SUN2: variants seen among roughly 807,000 people sequenced by gnomAD.
SUN2 encodes the protein Sad1 and UNC84 domain containing 2.
A neutral mutation model predicts 100.0 loss-of-function variants in SUN2; 60 were observed. The ratio of observed to expected loss-of-function variants is 0.60; its 90% confidence interval spans 0.49 to 0.74. The LOEUF is 0.74. Ranked by LOEUF, SUN2 falls within the 30% of genes least tolerant of loss-of-function variation. The probability of loss-of-function intolerance (pLI) is 0.00; values close to 1 mark genes in which losing one functional copy is unlikely to be tolerated. For synonymous variants in SUN2, 367 were observed against 403.3 expected, an observed-to-expected ratio of 0.91 and a Z score of 1.08; for missense variants, 834 against 954.6, an observed-to-expected ratio of 0.87 and a Z score of 1.66.
chr22:38,754,816 G>C, intron 1 of SUN2: 1 of 1,284,648 alleles, frequency 7.8e-7, no homozygotes, highest in Non-Finnish European at 1.0e-6. Context: ...AAAACTGTCA[G>C]CACCCGCCTC....
At position 38,739,384 on chromosome 22, in the gene SUN2, C is replaced by T; in HGVS notation, c.1621G>A (p.Glu541Lys). The T allele has an allele frequency of 1.2e-6, 2 of 1,613,184 alleles. No individual in the cohort carries two copies. Among genetic ancestry groups the T allele is most frequent in the South Asian group, 2.2e-5 (2 of 91,092 alleles). Residue 541 changes from glutamate (E) to lysine (K), a missense_variant, in exon 14 of 18, where the codon GAG (glutamate) becomes AAG (lysine). Physicochemically the swap from Glu to Lys is moderately conservative, Grantham distance 56 (BLOSUM62 1). Coordinates refer to ENST00000689035, the MANE Select transcript of SUN2 (RefSeq NM_015374.3). This position sits in a 1 kb window ranked among gnomAD's most constrained non-coding sequence, Gnocchi z 6.7. ...IVKQALQRYS[E>K]DRIGLADYAL... The stretch of plus-strand genomic sequence containing the variant: ...TAGTCTGCCAGCCCGATGCGGTCCT[C>T]ACTGTAGCGCTGCAGGGCCTGCTTC...
chr22:38,735,001 C>T lies in SUN2; in HGVS notation c.*1266G>A. The T allele has an allele frequency of 3.3e-6, 1 of 300,078 alleles. No homozygotes were observed. The highest frequency in any genetic ancestry group is 6.6e-6 in the Non-Finnish European group (1 of 152,170). 18.6% of individuals were successfully genotyped at this position (300,078 alleles called of 1,614,324 possible). A position where few individuals can be genotyped will look rare whatever the true frequency, so the allele number is the denominator to read the frequency against. On this transcript the variant is annotated 3_prime_UTR_variant, in exon 18 of 18. Coordinates refer to ENST00000689035, the MANE Select transcript of SUN2 (RefSeq NM_015374.3). ...ACACAGCCGGAACCAGTGCCCCAGG[C>T]CCCTCTCCACGGCCAGGAACAAGAA...
rs1180449203 is a variant in SUN2 at position 38,736,252 on chromosome 22, C to A, written c.*15G>T. On this transcript the variant is annotated 3_prime_UTR_variant, in exon 18 of 18. Coordinates refer to ENST00000689035, the MANE Select transcript of SUN2 (RefSeq NM_015374.3). ...CCACTCCCAGATGGCTGGCAGCAGG[C>A]ACCAGTAAGCAGGGCTAGTGGGCGG... The A allele has an allele frequency of 6.2e-7, 1 of 1,605,660 alleles. No individual in the cohort carries two copies.
chr22:38,740,920 G>C lies in SUN2; in HGVS notation c.1190+87C>G. On this transcript the variant is annotated intron_variant, in intron 11 of 17. Transcript: ENST00000689035. This position sits in a 1 kb window ranked among gnomAD's most constrained non-coding sequence, Gnocchi z 4.8. ...CTTGGCAAGATGATCAGAACTCTCTGCTCTGCGGCTCTGCTCCCCAGTCCT... is the reference window on the plus strand; with the variant it reads ...CTTGGCAAGATGATCAGAACTCTCTCCTCTGCGGCTCTGCTCCCCAGTCCT... 1 of 1,374,924 alleles carries C rather than the reference G, an allele frequency of 7.3e-7. No individual in the cohort carries two copies. Among genetic ancestry groups the C allele is most frequent in the Admixed American group, 2.0e-5 (1 of 50,788 alleles). The allele number at this position is 1,374,924 out of a possible 1,614,324, so 85.2% of individuals were successfully genotyped here. A position where few individuals can be genotyped will look rare whatever the true frequency, so the allele number is the denominator to read the frequency against.
Position 38,740,732 on chromosome 22 carries a change from G to T in SUN2, c.1190+275C>A, listed in dbSNP as rs2092849370. ...ATCTGGGGCATGAGAAGGCAGTTAT[G>T]TGAGGCTGTAAGAAAGGATGCTGTG... On this transcript the variant is annotated intron_variant, in intron 11 of 17. Coordinates refer to ENST00000689035, the MANE Select transcript of SUN2 (RefSeq NM_015374.3). This position sits in a 1 kb window ranked among gnomAD's most constrained non-coding sequence, Gnocchi z 4.8. 1 of 588,018 alleles carries T rather than the reference G, an allele frequency of 1.7e-6. No homozygotes were observed. The highest frequency in any genetic ancestry group is 1.9e-5 in the African/African-American group (1 of 53,806). 36.4% of individuals were successfully genotyped at this position (588,018 alleles called of 1,614,324 possible). A position where few individuals can be genotyped will look rare whatever the true frequency, so the allele number is the denominator to read the frequency against.
At position 38,750,256 on chromosome 22, in the gene SUN2, G is replaced by C; in HGVS notation, c.489C>G (p.Gly163=). The change falls in exon 5 of 18, where the codon GGC becomes GGG. Residue 163 remains glycine (G), a synonymous_variant. Transcript: ENST00000689035. ...AAGTGGCCACCATCCAGAGTAAGGA[G>C]CCCGCCCGTGAGACGGCGCTTCGGA... is the stretch of plus-strand genomic sequence containing the variant. The part of the protein sequence containing the change: ...SRLRSAVSRA[G]SLLWMVATSP... 6.2e-7 allele frequency: 1 copy of C among 1,613,708 alleles called. No individual in the cohort carries two copies. The highest frequency in any genetic ancestry group is 1.1e-5 in the South Asian group (1 of 91,086).
rs751242187 is a variant in SUN2, at chr22:38,751,110, C to A, written c.287-75G>T. 2.5e-6 allele frequency: 4 copies of A among 1,609,938 alleles called. No homozygotes were observed. In the South Asian group the frequency reaches 4.4e-5, roughly 18 times the overall value. On this transcript the variant is annotated intron_variant, in intron 3 of 17. Transcript: ENST00000689035. ...AAAGTGGGGTCTGGGCAGAGAGGTG[C>A]TCTGAGGAGGGAATCCCGGGGACTG...
chr22:38,745,217 A>AG (rs1282479517), intron 8 of SUN2: 6 of 470,306 alleles, frequency 1.3e-5, no homozygotes, highest in Admixed American at 1.2e-4. Flanking sequence ...CAGCTGTCCT[A>AG]GGCAAGGGCC....
At chr22:38,742,279 C>G in intron 9 of SUN2, 22 bp downstream of exon 9, 1 of 1,576,204 alleles carries the variant, frequency 6.3e-7, no homozygotes, top group Non-Finnish European at 8.7e-7. Context: ...CACCTCCCAC[C>G]CTGAGGTATT....
intron 7 of SUN2, 70 bp from the exon 8 acceptor site, chr22:38,745,881 T>A: frequency 6.4e-7 from 1 of 1,568,280 alleles, no homozygotes; most frequent in African/African-American, 1.3e-5. Flanking sequence ...GGAGGATGGC[T>A]ACCTGATCCC....
rs2145913853 is a variant in SUN2, at chr22:38,736,254, C to G, written c.*13G>C. ...ACTCCCAGATGGCTGGCAGCAGGCA[C>G]CAGTAAGCAGGGCTAGTGGGCGGGC... On this transcript the variant is annotated 3_prime_UTR_variant, in exon 18 of 18. Transcript: ENST00000689035. 6.2e-7 allele frequency: 1 copy of G among 1,607,550 alleles called. No individual in the cohort carries two copies. The highest frequency in any genetic ancestry group is 2.2e-5 in the East Asian group (1 of 44,794).
In SUN2 at chr22:38,740,572, A is replaced by C; in HGVS notation, c.1191-140T>G. 4.4e-6 allele frequency: 4 copies of C among 919,114 alleles called. No homozygotes were observed. The highest frequency in any genetic ancestry group is 6.2e-6 in the Non-Finnish European group (4 of 640,192). 56.9% of individuals were successfully genotyped at this position (919,114 alleles called of 1,614,324 possible). A position where few individuals can be genotyped will look rare whatever the true frequency, so the allele number is the denominator to read the frequency against. On this transcript the variant is annotated intron_variant, in intron 11 of 17. Coordinates refer to ENST00000689035, the MANE Select transcript of SUN2 (RefSeq NM_015374.3). The surrounding 1 kb of genome is among the most constrained non-coding windows in gnomAD (Gnocchi z 4.8). ...ACTCATTGTGAACCTGAGAAGGGGC[A>C]AGGCCTCTCCTGGGGGTTCTGGCTG... is the stretch of plus-strand genomic sequence containing the variant.
Position 38,738,525 on chromosome 22 carries a change from G to C in SUN2, c.1947+62C>G. 1 of 1,575,724 alleles carries C rather than the reference G, an allele frequency of 6.3e-7. No individual in the cohort carries two copies. Among genetic ancestry groups the C allele is most frequent in the Non-Finnish European group, 8.7e-7 (1 of 1,155,072 alleles). On this transcript the variant is annotated intron_variant, in intron 16 of 17. Transcript: ENST00000689035. This position sits in a 1 kb window ranked among gnomAD's most constrained non-coding sequence, Gnocchi z 6.6. ...AAGGGTGACCCTGACTTGATCCTCAGTAGAGAGGCCCACAGGATCCCCCTG... is the reference window on the plus strand; with the variant it reads ...AAGGGTGACCCTGACTTGATCCTCACTAGAGAGGCCCACAGGATCCCCCTG...
rs569556638 is a variant in SUN2, at chr22:38,752,520, C to T, written c.109G>A (p.Asp37Asn). 6.2e-6 allele frequency: 10 copies of T among 1,613,466 alleles called. No individual in the cohort carries two copies. Among genetic ancestry groups the T allele is most frequent in the East Asian group, 4.5e-5 (2 of 44,888 alleles). The part of the protein sequence containing the change: ...VAGSQSTLFK[D>N]SPLRTLKRKS... ...TTGGGTCCCTACCTGAGAGGACTGT[C>T]TTTAAACAGGGTGCTCTGACTCCCA... is the stretch of plus-strand genomic sequence containing the variant. The change falls in exon 2 of 18, where the codon GAC becomes AAC. Residue 37 changes from aspartate (D) to asparagine (N), a missense_variant. Transcript: ENST00000689035.
chr22:38,740,263 T>C lies in SUN2; in HGVS notation c.1356+4A>G. 1 of 1,567,008 alleles carries C rather than the reference T, an allele frequency of 6.4e-7. No individual in the cohort carries two copies. ...CCAGCAGGGCCCTGGTGGTTCCCAC[T>C]CACGTCGTCCCGCACGGCCTGGATC... is the stretch of plus-strand genomic sequence containing the variant. On this transcript the variant is annotated splice_donor_region_variant and intron_variant, in intron 12 of 17. Coordinates refer to ENST00000689035, the MANE Select transcript of SUN2 (RefSeq NM_015374.3). This position sits in a 1 kb window ranked among gnomAD's most constrained non-coding sequence, Gnocchi z 4.8.
chr22:38,752,537 T>C lies in SUN2; in HGVS notation c.92A>G (p.Gln31Arg). 6.2e-7 allele frequency: 1 copy of C among 1,613,886 alleles called. No homozygotes were observed. The highest frequency in any genetic ancestry group is 1.7e-5 in the Admixed American group (1 of 60,024). Residue 31 changes from glutamine to arginine, a missense_variant, in exon 2 of 18, where the codon CAG (glutamine) becomes CGG (arginine). Physicochemically the swap from Gln to Arg is conservative, Grantham distance 43. This residue lies in a region of SUN2 where 559 missense variants were observed against 597.7 expected (regional missense o/e 0.94). Coordinates refer to ENST00000689035, the MANE Select transcript of SUN2 (RefSeq NM_015374.3). ...AGGACTGTCTTTAAACAGGGTGCTCTGACTCCCAGCCACCGAGCTCCCTCC... is the reference window on the plus strand; with the variant it reads ...AGGACTGTCTTTAAACAGGGTGCTCCGACTCCCAGCCACCGAGCTCCCTCC... ...SSGGSSVAGS[Q>R]STLFKDSPLR...
chr22:38,736,485 C>CAGGGAAGGAGCAGGGG, intron 17 of SUN2, 105 bp from the exon 18 acceptor site: 1 of 841,802 alleles, frequency 1.2e-6, no homozygotes, highest in Non-Finnish European at 1.8e-6. Flanking sequence ...GATGGCTCCC[C>CAGGGAAGGAGCAGGGG]TGCTCCTTCC....
Position 38,746,894 on chromosome 22 carries a change from C to T in SUN2, c.686-1083G>A, listed in dbSNP as rs559598823. ...AAAATACAAAAAGAAATTAGCCAGGCGTGGTGGCGGCCGCCTGTAGTCCCA... is the reference window on the plus strand; with the variant it reads ...AAAATACAAAAAGAAATTAGCCAGGTGTGGTGGCGGCCGCCTGTAGTCCCA... On this transcript the variant is annotated intron_variant, in intron 7 of 17. Coordinates refer to ENST00000689035, the MANE Select transcript of SUN2 (RefSeq NM_015374.3). 1.2e-4 allele frequency among the ~76,000 whole-genome samples: 18 copies of T among 152,096 alleles called. 1 individual carries two copies. Among genetic ancestry groups the T allele is most frequent in the African/African-American group, 3.9e-4 (16 of 41,486 alleles).
In SUN2 at chr22:38,749,925, T is replaced by C; in HGVS notation, c.521-66A>G. 2.0e-6 allele frequency: 3 copies of C among 1,480,768 alleles called. No homozygotes were observed. In the South Asian group the frequency reaches 3.6e-5, roughly 18 times the overall value. 91.7% of individuals were successfully genotyped at this position (1,480,768 alleles called of 1,614,324 possible). On this transcript the variant is annotated intron_variant, in intron 5 of 17. Coordinates refer to ENST00000689035, the MANE Select transcript of SUN2 (RefSeq NM_015374.3). ...TTGGGGGCACCGCTCCTTTGTCCCG[T>C]CTGCCGTCCTCCCTGCCCCTACCCC...
Sources: allele counts gnomAD v4.1 joint callset (sites outside exome capture counted in the v4.1 genomes callset), GRCh38; gene constraint gnomAD v4.1.1; regional missense constraint gnomAD v4.1.1; non-coding constraint Gnocchi (gnomAD v3.1); transcripts MANE v1.5; gene names NCBI Gene and HGNC (gene_info 2026-07-23, HGNC 2026-07-21).